AUTS2: variants seen among roughly 807,000 people sequenced by gnomAD.
AUTS2 encodes activator of transcription and developmental regulator AUTS2.
A neutral mutation model predicts 112.4 loss-of-function variants in AUTS2; 17 were observed. The observed-to-expected ratio is 0.15, with a 90% confidence interval of 0.10 to 0.23. AUTS2 has a LOEUF of 0.23. AUTS2 is among the 10% of genes least tolerant of loss of function. The pLI, the probability that AUTS2 is intolerant of heterozygous loss-of-function variation, is 1.00. For missense variants in AUTS2, 1,510 were observed against 1,701.6 expected (o/e 0.89, Z 1.98); for synonymous variants, 751 against 702.7 (o/e 1.07, Z -1.09).
intron 1 of AUTS2, among the ~76,000 whole-genome samples, chr7:69,897,792 C>CAA (rs1451165408): frequency 1.3e-5 from 2 of 151,948 alleles, no homozygotes; most frequent in Non-Finnish European, 2.9e-5. Flanking sequence ...CACAAACATT[C>CAA]AGATCATAAC....
At chr7:70,353,267 A>G (rs901861848) in intron 4 of AUTS2, among the ~76,000 whole-genome samples, 1 of 152,176 alleles carries the variant, frequency 6.6e-6, no homozygotes, top group African/African-American at 2.4e-5. Flanking sequence ...CAAATTCCTT[A>G]TATTTGTTAT....
intron 2 of AUTS2, among the ~76,000 whole-genome samples, chr7:70,021,060 G>A (rs928262282): frequency 4.6e-5 from 7 of 151,850 alleles, no homozygotes; most frequent in Admixed American, 3.9e-4. Flanking sequence ...TCAGCTCACC[G>A]CAACCTCCGC....
intron 1 of AUTS2, among the ~76,000 whole-genome samples, chr7:69,670,478 A>G (rs182973501): frequency 2.8e-4 from 40 of 144,910 alleles, no homozygotes; most frequent in Admixed American, 2.5e-3. Context: ...AGGAAATCAG[A>G]TGGGGATTGA....
At chr7:70,042,140 A>C (rs1801275259) in intron 2 of AUTS2, among the ~76,000 whole-genome samples, 1 of 152,112 alleles carries the variant, frequency 6.6e-6, no homozygotes, top group Non-Finnish European at 1.5e-5. Context: ...TTTTCAGTAA[A>C]GCATTACACA....
Position 70,781,607 on chromosome 7 carries a change from C to T in AUTS2, c.2005-8C>T, listed in dbSNP as rs1340188037. On this transcript the variant is annotated splice_region_variant and splice_polypyrimidine_tract_variant and intron_variant, in intron 14 of 18. Transcript: ENST00000342771. ...CTTGGGACCCTTACTGTTCCCCTTG[C>T]TGTGTAGAAACAGATGCAGTCAGAC... 1.9e-6 allele frequency: 3 copies of T among 1,613,822 alleles called. No homozygotes were observed. The highest frequency in any genetic ancestry group is 1.7e-5 in the Admixed American group (1 of 59,994).
chr7:70,719,363 T>C (rs1377676224), intron 6 of AUTS2, among the ~76,000 whole-genome samples: 2 of 152,142 alleles, frequency 1.3e-5, no homozygotes, highest in East Asian at 1.9e-4. Context: ...AAGGGCTCAA[T>C]AACAGGAGTG....
intron 2 of AUTS2, among the ~76,000 whole-genome samples, chr7:69,922,402 G>C (rs1328257952): frequency 6.6e-6 from 1 of 152,228 alleles, no homozygotes; most frequent in Non-Finnish European, 1.5e-5. Context: ...GGTAGCACGA[G>C]ATTGACTTCA....
chr7:70,237,070 A>G (rs1812365603), intron 4 of AUTS2, among the ~76,000 whole-genome samples: 1 of 152,332 alleles, frequency 6.6e-6, no homozygotes, highest in South Asian at 2.1e-4. Flanking sequence ...ATTTAGATAC[A>G]AAGACTGAGC....
rs577409332 is a variant in AUTS2 at position 70,051,197 on chromosome 7, C to T, written c.523-66935C>T. On this transcript the variant is annotated intron_variant, in intron 2 of 18. Coordinates refer to ENST00000342771, the MANE Select transcript of AUTS2 (RefSeq NM_015570.4). The stretch of plus-strand genomic sequence containing the variant: ...TGCACAGATTTAATGATTAAGGAAA[C>T]AGGATAGGCAAAGGTGCCAGCGTTT... Among the ~76,000 whole-genome samples, 7 of 152,198 alleles carry T rather than the reference C, an allele frequency of 4.6e-5. No homozygotes were observed. In the South Asian group the frequency reaches 1.5e-3, roughly 32 times the overall value.
chr7:69,666,957 A>G (rs1796077617), intron 1 of AUTS2, among the ~76,000 whole-genome samples: 1 of 152,170 alleles, frequency 6.6e-6, no homozygotes, highest in Non-Finnish European at 1.5e-5. Context: ...AGAAGTACCT[A>G]GCTCAGTCCA....
intron 2 of AUTS2, among the ~76,000 whole-genome samples, chr7:69,926,437 GTCTGTCTGTCTATCTA>G (rs1196929619): frequency 8.5e-6 from 1 of 117,774 alleles, no homozygotes; most frequent in African/African-American, 3.5e-5. Flanking sequence ...CTATCTGTCT[GTCTGTCTGTCTATCTA>G]TCTATCTATC....
At chr7:70,255,922 A>T (rs772650051) in intron 4 of AUTS2, among the ~76,000 whole-genome samples, 1 of 152,252 alleles carries the variant, frequency 6.6e-6, no homozygotes, top group Non-Finnish European at 1.5e-5. Context: ...GAACCAGCCT[A>T]TAACTTTTCC....
chr7:69,910,571 G>A (rs1256512955), intron 2 of AUTS2, among the ~76,000 whole-genome samples: 3 of 152,204 alleles, frequency 2.0e-5, no homozygotes, highest in Non-Finnish European at 4.4e-5. Flanking sequence ...ATCTTACGTG[G>A]ATGGTGGCAG....
intron 1 of AUTS2, among the ~76,000 whole-genome samples, chr7:69,742,111 C>CTTTTTT (rs752148406): frequency 1.6e-5 from 2 of 125,712 alleles, no homozygotes; most frequent in African/African-American, 3.1e-5. Context: ...CCTATTTTAC[C>CTTTTTT]TTTTTTTTTT....
chr7:70,341,119 A>T (rs1039556721), intron 4 of AUTS2, among the ~76,000 whole-genome samples: 1 of 152,194 alleles, frequency 6.6e-6, no homozygotes, highest in African/African-American at 2.4e-5. Context: ...ACTCTGATTT[A>T]TTAGCTCTTC....
intron 4 of AUTS2, among the ~76,000 whole-genome samples, chr7:70,193,601 A>C (rs1464732705): frequency 6.6e-6 from 1 of 152,224 alleles, no homozygotes; most frequent in Admixed American, 6.5e-5. Flanking sequence ...CTAAATGAAG[A>C]GCCTTTTACA....
At chr7:70,026,469 A>T (rs546256687) in intron 2 of AUTS2, among the ~76,000 whole-genome samples, 6 of 151,852 alleles carry the variant, frequency 4.0e-5, no homozygotes, top group Non-Finnish European at 7.4e-5. Context: ...CACACAGAGG[A>T]AGAGCTTACT....
chr7:69,814,457 A>G (rs973219792), intron 1 of AUTS2, among the ~76,000 whole-genome samples: 2 of 152,218 alleles, frequency 1.3e-5, no homozygotes, highest in African/African-American at 2.4e-5. Context: ...TGTGGCCGGC[A>G]GGGTGTCTGT....
In AUTS2 at chr7:70,080,345, G is replaced by A. The variant is rs184875746; in HGVS notation, c.523-37787G>A. On this transcript the variant is annotated intron_variant, in intron 2 of 18. Transcript: ENST00000342771. ...GAAGGAAACTGTTTATATCATTCAT[G>A]TCTTAGGTGTTCCACTTTAATTTTA... Among the ~76,000 whole-genome samples, 6 of 152,256 alleles carry A rather than the reference G, an allele frequency of 3.9e-5. No individual in the cohort carries two copies. The East Asian group carries it at 1.2e-3, about 29-fold the overall frequency.
Sources: gnomAD v4.1 joint callset for allele counts (sites outside exome capture counted in the v4.1 genomes callset) on GRCh38, gnomAD v4.1.1 for gene constraint, MANE v1.5 for transcripts, NCBI Gene and HGNC (gene_info 2026-07-23, HGNC 2026-07-21) for gene names.